GCN1: variants seen among roughly 807,000 people sequenced by gnomAD.
GCN1 encodes the protein GCN1 activator of EIF2AK4.
GCN1 carries 90 observed loss-of-function variants against 288.4 expected under a neutral mutation model. That is an observed-to-expected ratio of 0.31 (90% CI 0.26 to 0.37). GCN1 has a LOEUF of 0.37. Ranked by LOEUF, GCN1 falls within the 10% of genes least tolerant of loss-of-function variation. The pLI, the probability that GCN1 is intolerant of heterozygous loss-of-function variation, is 1.00. For synonymous variants in GCN1, 1,386 were observed against 1,420.2 expected, an observed-to-expected ratio of 0.98 and a Z score of 0.54; for missense variants, 2,586 against 3,419.9, an observed-to-expected ratio of 0.76 and a Z score of 6.08.
chr12:120,136,802 A>C (rs1481394202), intron 50 of GCN1, 70 bp from the exon 51 acceptor site: 13 of 1,147,242 alleles, frequency 1.1e-5, no homozygotes, highest in Admixed American at 3.8e-5. Flanking sequence ...CATGCAAGCA[A>C]AGTGGTCCTG....
At chr12:120,128,149 G>A (rs1876678853) in intron 57 of GCN1, among the ~76,000 whole-genome samples, 175 bp from the exon 58 acceptor site, 1 of 152,202 alleles carries the variant, frequency 6.6e-6, no homozygotes, top group East Asian at 1.9e-4. Flanking sequence ...CACTCATCAT[G>A]CTTTTCTATT....
intron 3 of GCN1, 68 bp from the exon 4 acceptor site, chr12:120,184,311 A>G: frequency 3.5e-6 from 5 of 1,418,250 alleles, no homozygotes; most frequent in Non-Finnish European, 3.9e-6. Context: ...AAGGCTGCTC[A>G]GGCCATACAC....
chr12:120,172,337 G>A (rs1878338283), intron 14 of GCN1, among the ~76,000 whole-genome samples: 1 of 152,172 alleles, frequency 6.6e-6, no homozygotes, highest in Non-Finnish European at 1.5e-5. Flanking sequence ...TCTGAGCTGG[G>A]AGACATATTT....
At position 120,175,872 on chromosome 12, in the gene GCN1, G is replaced by A. The variant is rs1878467257; in HGVS notation, c.916C>T (p.His306Tyr). ...AGGCGGGGACTGTTGGATTTCAGGT[G>A]ACCTGCACACACAAAGCCACTGCTC... ...AMDIVKGLAG[H>Y]LKSNSPRLMD... The change falls in exon 11 of 58, where the codon CAC becomes TAC. Residue 306 changes from histidine to tyrosine, a missense_variant and splice_region_variant. His to Tyr is a moderately conservative substitution (Grantham distance 83). This residue lies in a region of GCN1 where 913 missense variants were observed against 1,107.0 expected (regional missense o/e 0.82). Coordinates refer to ENST00000300648, the MANE Select transcript of GCN1 (RefSeq NM_006836.2). 6.2e-7 allele frequency: 1 copy of A among 1,605,226 alleles called. No individual in the cohort carries two copies. Among genetic ancestry groups the A allele is most frequent in the Non-Finnish European group, 8.5e-7 (1 of 1,177,312 alleles).
In GCN1 at chr12:120,142,986, G is replaced by T; in HGVS notation, c.5496-45C>A. ...CACAGTCACACAGCTGCAAGGAGTG[G>T]GCTCGGCACAACTGAGCACTGCACA... On this transcript the variant is annotated intron_variant, in intron 42 of 57. Coordinates refer to ENST00000300648, the MANE Select transcript of GCN1 (RefSeq NM_006836.2). This position sits in a 1 kb window ranked among gnomAD's most constrained non-coding sequence, Gnocchi z 4.9. 1 of 1,188,944 alleles carries T rather than the reference G, an allele frequency of 8.4e-7. No homozygotes were observed. The highest frequency in any genetic ancestry group is 1.3e-6 in the Non-Finnish European group (1 of 792,746). 73.6% of individuals were successfully genotyped at this position (1,188,944 alleles called of 1,614,324 possible).
At chr12:120,179,006 T>A in intron 5 of GCN1, 56 bp from the exon 6 acceptor site, 1 of 1,416,950 alleles carries the variant, frequency 7.1e-7, no homozygotes, top group East Asian at 2.4e-5. Flanking sequence ...GAGGGTCCCA[T>A]GGCTCTCATA....
rs758870052 is a variant in GCN1, at chr12:120,158,568, C to T, written c.2797G>A (p.Val933Ile). The change falls in exon 25 of 58, where the codon GTC becomes ATC. Residue 933 changes from valine (V) to isoleucine (I), a missense_variant. Val to Ile is a conservative substitution (Grantham distance 29). Transcript: ENST00000300648. This position sits in a 1 kb window ranked among gnomAD's most constrained non-coding sequence, Gnocchi z 4.3. ...TCCTGGCACCAGGACTTATCCAGGA[C>T]ACACTCTGGCTTCAGCAGGCGCAGG... ...VTLRLLKPECVLDKSWCQEEL... is the reference protein window; with the variant it reads ...VTLRLLKPECILDKSWCQEEL... 3 of 1,607,314 alleles carry T rather than the reference C, an allele frequency of 1.9e-6. No homozygotes were observed. Among genetic ancestry groups the T allele is most frequent in the Non-Finnish European group, 2.5e-6 (3 of 1,176,850 alleles).
chr12:120,167,954 C>T (rs943158852), intron 16 of GCN1, among the ~76,000 whole-genome samples: 2 of 152,020 alleles, frequency 1.3e-5, no homozygotes, highest in African/African-American at 4.8e-5. Flanking sequence ...ACCCAATCAG[C>T]TATAATTACA....
intron 11 of GCN1, among the ~76,000 whole-genome samples, chr12:120,175,501 G>GT (rs1158755969): frequency 3.3e-5 from 5 of 152,176 alleles, no homozygotes; most frequent in Non-Finnish European, 1.5e-5. Flanking sequence ...ATTTCCTTTA[G>GT]TTTTTTCTGC....
At chr12:120,147,001 C>T (rs888890700) in intron 38 of GCN1, 51 bp downstream of exon 38, 1 of 1,120,968 alleles carries the variant, frequency 8.9e-7, no homozygotes, top group African/African-American at 1.5e-5. Flanking sequence ...TCTGACTCTG[C>T]ACTCAAACAT....
chr12:120,174,009 T>C (rs1594283539), intron 13 of GCN1, 62 bp downstream of exon 13: 4 of 1,142,884 alleles, frequency 3.5e-6, no homozygotes, highest in East Asian at 2.4e-5. Context: ...AAGCTCCAAC[T>C]GTGAAAAACC....
chr12:120,178,552 C>T, intron 7 of GCN1, 73 bp downstream of exon 7: 5 of 1,505,060 alleles, frequency 3.3e-6, no homozygotes, highest in South Asian at 2.3e-5. Flanking sequence ...AGCAGGTTCC[C>T]ATTCCTTCCC....
At chr12:120,187,088 C>T (rs995825243) in intron 2 of GCN1, among the ~76,000 whole-genome samples, 2 of 152,132 alleles carry the variant, frequency 1.3e-5, no homozygotes, top group African/African-American at 2.4e-5. Flanking sequence ...AGCAAGTTTA[C>T]AAGCTTGGGT....
chr12:120,182,420 G>T (rs1878694954), intron 5 of GCN1, among the ~76,000 whole-genome samples: 1 of 152,170 alleles, frequency 6.6e-6, no homozygotes, highest in South Asian at 2.1e-4. Flanking sequence ...TATCTAACCA[G>T]CAGGCTGCTT....
At position 120,159,852 on chromosome 12, in the gene GCN1, C is replaced by T; in HGVS notation, c.2722G>A (p.Val908Ile). 1.2e-6 allele frequency: 2 copies of T among 1,614,152 alleles called. No homozygotes were observed. Among genetic ancestry groups the T allele is most frequent in the Non-Finnish European group, 1.7e-6 (2 of 1,180,004 alleles). The change falls in exon 24 of 58, where the codon GTC (valine) becomes ATC (isoleucine). Residue 908 changes from valine (V) to isoleucine (I), a missense_variant. Val to Ile is a conservative substitution (Grantham distance 29). This residue lies in a region of GCN1 where 153 missense variants were observed against 252.0 expected (regional missense o/e 0.61). Transcript: ENST00000300648. ...AAAGCCTTGAGCCTAGAGGGCATGA[C>T]ACAGGCAGCCAAGGACAAGAAGGGG... ...KNPFLSLAAC[V>I]MPSRLKALGT... is the part of the protein sequence containing the mutation.
In GCN1 at chr12:120,127,679, T is replaced by A. The variant is rs1175327917; in HGVS notation, c.*170A>T. On this transcript the variant is annotated 3_prime_UTR_variant, in exon 58 of 58. Transcript: ENST00000300648. ...AAAAGGTGAGAGATGGAGGAGGCAA[T>A]TTTCAGTTGTGTGTGGGTTTGATTT... 3 of 757,224 alleles carry A rather than the reference T, an allele frequency of 4.0e-6. No individual in the cohort carries two copies. Among genetic ancestry groups the A allele is most frequent in the Non-Finnish European group, 2.2e-6 (1 of 464,584 alleles). The allele number at this position is 757,224 out of a possible 1,614,324, so 46.9% of individuals were successfully genotyped here.
chr12:120,194,327 G>A (rs1337230102), intron 1 of GCN1, among the ~76,000 whole-genome samples: 2 of 152,262 alleles, frequency 1.3e-5, no homozygotes, highest in Non-Finnish European at 2.9e-5. Context: ...CAAAGTTTAA[G>A]GAAGACTTGG....
chr12:120,192,842 C>T (rs762810511), intron 1 of GCN1, among the ~76,000 whole-genome samples: 3 of 151,510 alleles, frequency 2.0e-5, no homozygotes, highest in Non-Finnish European at 4.4e-5. Context: ...GTCAGAAGTT[C>T]GAGACCAGCC....
rs747286254 is a variant in GCN1 at position 120,144,494 on chromosome 12, C to T, written c.5353-46G>A. ...TCAGCCAGAGCTGCCACCCCCAGGCCCCCAGCCCAAAAAACATGGGGCTCA... is the reference window on the plus strand; with the variant it reads ...TCAGCCAGAGCTGCCACCCCCAGGCTCCCAGCCCAAAAAACATGGGGCTCA... On this transcript the variant is annotated intron_variant, in intron 41 of 57. Transcript: ENST00000300648. The surrounding 1 kb of genome is among the most constrained non-coding windows in gnomAD (Gnocchi z 4.7). 2.8e-5 allele frequency: 44 copies of T among 1,590,498 alleles called. No homozygotes were observed. The highest frequency in any genetic ancestry group is 3.6e-5 in the Non-Finnish European group (42 of 1,167,604).
Sources: gnomAD v4.1 joint callset for allele counts (sites outside exome capture counted in the v4.1 genomes callset) on GRCh38, gnomAD v4.1.1 for gene constraint, gnomAD v4.1.1 regional missense constraint, Gnocchi (gnomAD v3.1) non-coding constraint, MANE v1.5 for transcripts, NCBI Gene and HGNC (gene_info 2026-07-23, HGNC 2026-07-21) for gene names.